The following CTNND2 variants were observed in gnomAD, a reference collection of about 807,000 sequenced individuals.
CTNND2 encodes catenin delta-2.
CTNND2 carries 22 observed loss-of-function variants against 144.4 expected under a neutral mutation model. The observed-to-expected ratio is 0.15, with a 90% CI of 0.11 to 0.22. The LOEUF is 0.22. Ranked by LOEUF, CTNND2 falls within the 10% of genes least tolerant of loss-of-function variation. The pLI, the probability that CTNND2 is intolerant of heterozygous loss-of-function variation, is 1.00. For missense variants in CTNND2, 1,353 were observed against 1,618.8 expected (o/e 0.84, Z 2.82); for synonymous variants, 751 against 695.6 (o/e 1.08, Z -1.25).
At chr5:11,756,033 G>A (rs916450614) in intron 1 of CTNND2, among the ~76,000 whole-genome samples, 3 of 151,606 alleles carry the variant, frequency 2.0e-5, no homozygotes, top group African/African-American at 7.3e-5. Context: ...TGAGTTATCC[G>A]AGTTCTTGTT....
At chr5:11,039,955 G>T (rs183250519) in intron 16 of CTNND2, among the ~76,000 whole-genome samples, 28 of 152,194 alleles carry the variant, frequency 1.8e-4, no homozygotes, top group African/African-American at 6.7e-4. Context: ...CCAGCTACTT[G>T]GGAGGCTGAG....
In CTNND2 at chr5:11,903,708, G is replaced by T. The variant is rs1738093685; in HGVS notation, c.37+109C>A. ...CAGAAACCCCGCAGCAGCCGCCGCC[G>T]CCGCCTGCCGGCCGGGAGCCCAGGA... On this transcript the variant is annotated intron_variant, in intron 1 of 21. Coordinates refer to ENST00000304623, the MANE Select transcript of CTNND2 (RefSeq NM_001332.4). This position sits in a 1 kb window ranked among gnomAD's most constrained non-coding sequence, Gnocchi z 5.4. 5 of 1,166,614 alleles carry T rather than the reference G, an allele frequency of 4.3e-6. No individual in the cohort carries two copies. In the South Asian group the frequency reaches 7.3e-5, roughly 17 times the overall value. The allele number at this position is 1,166,614 out of a possible 1,614,324, so 72.3% of individuals were successfully genotyped here. A position where few individuals can be genotyped will look rare whatever the true frequency, so the allele number is the denominator to read the frequency against.
chr5:11,325,545 A>C (rs2150074898), intron 9 of CTNND2, among the ~76,000 whole-genome samples: 1 of 152,298 alleles, frequency 6.6e-6, no homozygotes, highest in Non-Finnish European at 1.5e-5. Context: ...GTATCCATGA[A>C]TGAATGCTAT....
intron 3 of CTNND2, among the ~76,000 whole-genome samples, chr5:11,426,029 CT>C (rs1177058352): frequency 1.3e-5 from 2 of 152,050 alleles, no homozygotes; most frequent in African/African-American, 4.8e-5. Flanking sequence ...AGCCAGAATC[CT>C]TTTTTTCCCC....
intron 3 of CTNND2, among the ~76,000 whole-genome samples, chr5:11,485,775 C>G (rs970590840): frequency 1.3e-5 from 2 of 152,028 alleles, no homozygotes; most frequent in Non-Finnish European, 2.9e-5. Flanking sequence ...AAACTCCAAA[C>G]AAGAAAATGA....
At chr5:11,471,824 A>G (rs1379081871) in intron 3 of CTNND2, among the ~76,000 whole-genome samples, 1 of 152,240 alleles carries the variant, frequency 6.6e-6, no homozygotes, top group Non-Finnish European at 1.5e-5. Flanking sequence ...AATAGGAATT[A>G]GGTTTAATAT....
At chr5:11,786,021 T>C (rs749204831) in intron 1 of CTNND2, among the ~76,000 whole-genome samples, 3 of 152,134 alleles carry the variant, frequency 2.0e-5, no homozygotes, top group Non-Finnish European at 2.9e-5. Flanking sequence ...CAGCATTTCC[T>C]GGGTGCCCAG....
chr5:11,220,931 C>A (rs984217826), intron 10 of CTNND2, among the ~76,000 whole-genome samples: 34 of 152,294 alleles, frequency 2.2e-4, no homozygotes, highest in Middle Eastern at 3.4e-3. Flanking sequence ...CCCATAAGTA[C>A]AATTAAATGC....
chr5:11,266,532 G>A (rs1484170907), intron 9 of CTNND2, among the ~76,000 whole-genome samples: 1 of 152,214 alleles, frequency 6.6e-6, no homozygotes, highest in Admixed American at 6.5e-5. Context: ...AATGCTAGAA[G>A]AATTCTCATT....
intron 2 of CTNND2, chr5:11,589,093 T>C (rs376409461): frequency 2.1e-6 from 2 of 941,550 alleles, no homozygotes; most frequent in Non-Finnish European, 2.5e-6. Flanking sequence ...GAGAAAAGAA[T>C]AGAGTTCAGC....
intron 6 of CTNND2, among the ~76,000 whole-genome samples, chr5:11,394,087 C>G (rs1759863399): frequency 6.6e-6 from 1 of 152,264 alleles, no homozygotes; most frequent in South Asian, 2.1e-4. Flanking sequence ...GCCCAAAAGT[C>G]TCCTCGAGGT....
intron 12 of CTNND2, among the ~76,000 whole-genome samples, chr5:11,141,355 A>G (rs148039548): frequency 7.2e-5 from 11 of 152,210 alleles, no homozygotes; most frequent in African/African-American, 2.6e-4. Context: ...CAGAGTAATT[A>G]GTGACAATTG....
intron 9 of CTNND2, among the ~76,000 whole-genome samples, chr5:11,334,403 T>G (rs2149720772): frequency 6.6e-6 from 1 of 152,348 alleles, no homozygotes; most frequent in South Asian, 2.1e-4. Context: ...TCATTGTGGG[T>G]TTCTAAGTCA....
intron 2 of CTNND2, among the ~76,000 whole-genome samples, chr5:11,727,972 T>A (rs994490029): frequency 6.6e-6 from 1 of 152,218 alleles, no homozygotes; most frequent in East Asian, 1.9e-4. Context: ...CCAAATAGTA[T>A]TCTTGTTATA....
At chr5:11,419,306 C>T (rs1762181636) in intron 3 of CTNND2, among the ~76,000 whole-genome samples, 1 of 151,812 alleles carries the variant, frequency 6.6e-6, no homozygotes, top group Non-Finnish European at 1.5e-5. Flanking sequence ...GAAAAAATTC[C>T]CCATGATTCC....
At position 11,288,332 on chromosome 5, in the gene CTNND2, AT is replaced by A. The variant is rs35749102; in HGVS notation, c.1629-51510del. ...AATGTTTTCTAGTGTGCCTTCAAGT[AT>A]TTTTTTTTTTTAAATACGACTTGGG... On this transcript the variant is annotated intron_variant, in intron 9 of 21. Transcript: ENST00000304623. Among the ~76,000 whole-genome samples, 100 of 148,736 alleles carry A rather than the reference AT, an allele frequency of 6.7e-4. 1 individual carries two copies. Among genetic ancestry groups the A allele is most frequent in the East Asian group, 6.7e-3 (34 of 5,084 alleles).
At chr5:11,583,348 T>G (rs1778585632) in intron 2 of CTNND2, among the ~76,000 whole-genome samples, 1 of 152,152 alleles carries the variant, frequency 6.6e-6, no homozygotes, top group Non-Finnish European at 1.5e-5. Flanking sequence ...GCGTATGCAG[T>G]GAGAGTGGTC....
chr5:11,417,619 A>C (rs1273230279), intron 3 of CTNND2, among the ~76,000 whole-genome samples: 1 of 152,226 alleles, frequency 6.6e-6, no homozygotes, highest in East Asian at 1.9e-4. Context: ...ATACACCACA[A>C]ACTGTCCAAA....
chr5:11,071,542 CCT>C (rs1748301546), intron 16 of CTNND2, among the ~76,000 whole-genome samples: 1 of 150,406 alleles, frequency 6.6e-6, no homozygotes, highest in South Asian at 2.1e-4. Flanking sequence ...AAAGTGAGAC[CCT>C]GTCTTCAAAA....
Sources: allele counts gnomAD v4.1 joint callset (sites outside exome capture counted in the v4.1 genomes callset), GRCh38; gene constraint gnomAD v4.1.1; non-coding constraint Gnocchi (gnomAD v3.1); transcripts MANE v1.5; gene names NCBI Gene and HGNC (gene_info 2026-07-23, HGNC 2026-07-21).